PCDHA13: variants seen among roughly 807,000 people sequenced by gnomAD.
PCDHA13 encodes protocadherin alpha 13.
Under a neutral mutation model 64.8 loss-of-function variants are expected in PCDHA13, and 54 were observed. The ratio of observed to expected loss-of-function variants is 0.83; its 90% CI spans 0.67 to 1.04. PCDHA13 has a LOEUF of 1.04. Ranked by LOEUF, PCDHA13 falls within the 50% of genes least tolerant of loss-of-function variation. The pLI is 0.00. For synonymous variants in PCDHA13, 587 were observed against 564.4 expected (o/e 1.04, Z -0.57); for missense variants, 1,248 against 1,254.3 (o/e 0.99, Z 0.08).
intron 3 of PCDHA13, among the ~76,000 whole-genome samples, chr5:141,008,840 T>C (rs2098392722): frequency 6.6e-6 from 1 of 152,188 alleles, no homozygotes; most frequent in African/African-American, 2.4e-5. Context: ...CCTCTTACGC[T>C]GTGTATTCCC....
intron 1 of PCDHA13, among the ~76,000 whole-genome samples, chr5:140,953,962 T>C (rs2153701012): frequency 6.6e-6 from 1 of 152,196 alleles, no homozygotes; most frequent in Admixed American, 6.5e-5. Flanking sequence ...CAGGCCCCAG[T>C]GTGTGTTGTT....
rs200161334 is a variant in PCDHA13, at chr5:140,967,904, C to T, written c.2395-11045C>T. ...TAGCCCAGTGCCTGAGAATGCTACACCCAACACCATTGTGGCCGTTCTCAG... is the reference window on the plus strand; with the variant it reads ...TAGCCCAGTGCCTGAGAATGCTACATCCAACACCATTGTGGCCGTTCTCAG... On this transcript the variant is annotated intron_variant, in intron 1 of 3. Coordinates refer to ENST00000289272, the MANE Select transcript of PCDHA13 (RefSeq NM_018904.3). The T allele has an allele frequency of 3.3e-5, 53 of 1,614,164 alleles. No individual in the cohort carries two copies. In the East Asian group the frequency reaches 9.1e-4, roughly 28 times the overall value.
chr5:140,964,380 C>T (rs891362271), intron 1 of PCDHA13, among the ~76,000 whole-genome samples: 9 of 152,120 alleles, frequency 5.9e-5, no homozygotes, highest in Non-Finnish European at 1.3e-4. Context: ...AAGGAGAGTC[C>T]TGGTTTTTCT....
intron 1 of PCDHA13, among the ~76,000 whole-genome samples, chr5:140,915,921 T>C (rs2077370703): frequency 6.6e-6 from 1 of 152,286 alleles, no homozygotes; most frequent in African/African-American, 2.4e-5. Context: ...GAGATGCTAC[T>C]TGGGAGTCAG....
intron 1 of PCDHA13, among the ~76,000 whole-genome samples, chr5:140,889,643 G>A (rs141216075): frequency 1.3e-4 from 20 of 152,024 alleles, no homozygotes; most frequent in African/African-American, 4.8e-4. Context: ...ATTTGTGTTT[G>A]CAGGAGATGT....
chr5:140,970,248 A>G (rs1385121881), intron 1 of PCDHA13, among the ~76,000 whole-genome samples: 1 of 152,142 alleles, frequency 6.6e-6, no homozygotes, highest in Non-Finnish European at 1.5e-5. Context: ...TTCTGTTGAC[A>G]GTTTCTATGG....
intron 3 of PCDHA13, among the ~76,000 whole-genome samples, chr5:140,992,876 A>G (rs1370116402): frequency 6.6e-6 from 1 of 152,178 alleles, no homozygotes; most frequent in Admixed American, 6.5e-5. Flanking sequence ...CCTCCTTGAT[A>G]TTCTAAACAA....
intron 1 of PCDHA13, among the ~76,000 whole-genome samples, chr5:140,938,510 A>G (rs2092097687): frequency 6.6e-6 from 1 of 151,662 alleles, no homozygotes; most frequent in Non-Finnish European, 1.5e-5. Context: ...TTTATCACAT[A>G]TTTTCTGTTA....
intron 1 of PCDHA13, chr5:140,929,420 C>A: frequency 6.7e-7 from 1 of 1,502,700 alleles, no homozygotes; most frequent in Non-Finnish European, 8.9e-7. Context: ...CACAACATTT[C>A]ATCAATTGAA....
In PCDHA13 at chr5:140,883,616, G is replaced by GACAAC; in HGVS notation, c.1349_1353dup (p.Ala452ThrfsTer15). On this transcript the variant is annotated frameshift_variant, in exon 1 of 4. Coordinates refer to ENST00000289272, the MANE Select transcript of PCDHA13 (RefSeq NM_018904.3). LOFTEE classifies it high-confidence loss of function. ...GTCGGTGGGGGTGGCCGACGTGAAC[G>GACAAC]ACAACGCGCCGGCGTTCGCGCAGCC... The GACAAC allele has an allele frequency of 3.1e-6, 5 of 1,614,014 alleles. No homozygotes were observed. The South Asian group carries it at 5.5e-5, about 18-fold the overall frequency.
At chr5:140,897,419 A>G (rs1329501260) in intron 1 of PCDHA13, among the ~76,000 whole-genome samples, 2 of 141,212 alleles carry the variant, frequency 1.4e-5, no homozygotes, top group East Asian at 4.3e-4. Flanking sequence ...ATTCCCATCT[A>G]TGAGTGAGAA....
At chr5:140,970,884 A>G (rs1013057138) in intron 1 of PCDHA13, among the ~76,000 whole-genome samples, 1 of 152,218 alleles carries the variant, frequency 6.6e-6, no homozygotes, top group Admixed American at 6.5e-5. Context: ...GATTTTTCTC[A>G]TGGACATTTC....
chr5:140,939,510 A>G (rs2092401222), intron 1 of PCDHA13, among the ~76,000 whole-genome samples: 1 of 150,724 alleles, frequency 6.6e-6, no homozygotes, highest in Admixed American at 6.6e-5. Flanking sequence ...TGTCTATAAC[A>G]TTAATAGTTA....
chr5:140,993,397 T>C (rs2097553822), intron 3 of PCDHA13, among the ~76,000 whole-genome samples: 2 of 151,682 alleles, frequency 1.3e-5, no homozygotes, highest in Admixed American at 1.3e-4. Context: ...ACTCCATCAT[T>C]AACCACCTTC....
chr5:140,943,679 A>C (rs973228943), intron 1 of PCDHA13, among the ~76,000 whole-genome samples: 3 of 152,248 alleles, frequency 2.0e-5, no homozygotes, highest in African/African-American at 7.2e-5. Context: ...TGTGAAAAAA[A>C]GGGATAAGGT....
intron 1 of PCDHA13, chr5:140,927,446 T>C (rs1554204540): frequency 6.2e-7 from 1 of 1,614,128 alleles, no homozygotes; most frequent in Non-Finnish European, 8.5e-7. Flanking sequence ...TACCCGGAGT[T>C]GGTGTTGGAG....
intron 2 of PCDHA13, among the ~76,000 whole-genome samples, chr5:140,979,396 G>C (rs2096848299): frequency 6.6e-6 from 1 of 151,692 alleles, no homozygotes; most frequent in South Asian, 2.1e-4. Flanking sequence ...ATACATACAT[G>C]TTGTCTACCT....
intron 1 of PCDHA13, among the ~76,000 whole-genome samples, chr5:140,948,690 T>C (rs1241278993): frequency 6.6e-6 from 1 of 151,592 alleles, no homozygotes; most frequent in Non-Finnish European, 1.5e-5. Context: ...TTTTTGATAT[T>C]GGTGATTTGT....
intron 1 of PCDHA13, chr5:140,927,440 C>T (rs782460713): frequency 3.7e-6 from 6 of 1,614,050 alleles, no homozygotes; most frequent in Admixed American, 3.3e-5. Context: ...AGCGAATACC[C>T]GGAGTTGGTG....
Sources: allele counts gnomAD v4.1 joint callset (sites outside exome capture counted in the v4.1 genomes callset), GRCh38; gene constraint gnomAD v4.1.1; transcripts MANE v1.5; gene names NCBI Gene and HGNC (gene_info 2026-07-23, HGNC 2026-07-21).